The following LINGO2 variants were observed in gnomAD, a reference collection of about 807,000 sequenced individuals.
LINGO2 encodes the protein leucine rich repeat and Ig domain containing 2, also known as leucine-rich repeat and immunoglobulin-like domain-containing nogo receptor-interacting protein 2.
A neutral mutation model predicts 30.6 loss-of-function variants in LINGO2; 14 were observed. The ratio of observed to expected loss-of-function variants is 0.46; its 90% confidence interval spans 0.30 to 0.72. The LOEUF (loss-of-function observed/expected upper bound fraction) is 0.72, where lower values mean the gene tolerates loss of function less well. LINGO2 is among the 30% of genes least tolerant of loss of function. The pLI, the probability that LINGO2 is intolerant of heterozygous loss-of-function variation, is 0.07. For missense variants in LINGO2, 729 were observed against 751.7 expected, an observed-to-expected ratio of 0.97 and a Z score of 0.35; for synonymous variants, 317 against 288.5, an observed-to-expected ratio of 1.10 and a Z score of -1.00.
chr9:29,102,883 C>G, the LINGO2 span, among the ~76,000 whole-genome samples: 2 of 152,202 alleles, frequency 1.3e-5, no homozygotes, highest in Admixed American at 1.3e-4. Flanking sequence ...TCTACTTCCA[C>G]AATCTCCATT....
chr9:28,849,369 C>A, the LINGO2 span, among the ~76,000 whole-genome samples: 42 of 151,830 alleles, frequency 2.8e-4, no homozygotes, highest in Admixed American at 6.6e-4. Flanking sequence ...ATACACAGAC[C>A]CAGAATAATA....
intron 3 of LINGO2, among the ~76,000 whole-genome samples, chr9:28,372,413 C>T (rs989643651): frequency 5.3e-5 from 8 of 152,118 alleles, no homozygotes; most frequent in African/African-American, 1.9e-4. Context: ...ATAAGTCAGG[C>T]ACGAAAGTCA....
the LINGO2 span, among the ~76,000 whole-genome samples, chr9:28,897,674 G>T: frequency 1.3e-5 from 2 of 151,978 alleles, no homozygotes; most frequent in Non-Finnish European, 2.9e-5. Flanking sequence ...CCTGTAAAAC[G>T]AAAATAATAA....
At chr9:28,458,137 G>A (rs1288196254) in intron 2 of LINGO2, among the ~76,000 whole-genome samples, 2 of 152,156 alleles carry the variant, frequency 1.3e-5, no homozygotes, top group African/African-American at 4.8e-5. Context: ...ACAACAAATT[G>A]CTCTTTTAAC....
the LINGO2 span, among the ~76,000 whole-genome samples, chr9:28,919,842 A>G: frequency 1.3e-5 from 2 of 152,164 alleles, no homozygotes; most frequent in South Asian, 2.1e-4. Context: ...TTTAAACATT[A>G]TATCCTTTTA....
the LINGO2 span, among the ~76,000 whole-genome samples, chr9:28,826,433 C>T: frequency 6.6e-6 from 1 of 152,148 alleles, no homozygotes; most frequent in Non-Finnish European, 1.5e-5. Context: ...CCAGATTTTT[C>T]CTGTACTTCT....
intron 5 of LINGO2, among the ~76,000 whole-genome samples, chr9:28,003,294 TCTCA>T (rs1290316650): frequency 6.6e-6 from 1 of 152,040 alleles, no homozygotes; most frequent in African/African-American, 2.4e-5. Flanking sequence ...TGGGTAATTA[TCTCA>T]CTCATTTTTA....
chr9:28,708,782 T>TATCTATCTATCTATCTATCTATCTATCG, the LINGO2 span, among the ~76,000 whole-genome samples: 6 of 150,966 alleles, frequency 4.0e-5, no homozygotes, highest in African/African-American at 1.5e-4. Context: ...TCTATCTATC[T>TATCTATCTATCTATCTATCTATCTATCG]ATCTATCCAT....
chr9:28,951,968 G>T, the LINGO2 span, among the ~76,000 whole-genome samples: 1 of 152,104 alleles, frequency 6.6e-6, no homozygotes, highest in Non-Finnish European at 1.5e-5. Flanking sequence ...GATCATTAGA[G>T]AAATGCAAAT....
At chr9:28,188,317 T>C (rs1355496004) in intron 4 of LINGO2, among the ~76,000 whole-genome samples, 1 of 152,152 alleles carries the variant, frequency 6.6e-6, no homozygotes, top group African/African-American at 2.4e-5. Flanking sequence ...ATAAGCATTT[T>C]TTCTTTAAAA....
chr9:28,819,954 T>C, the LINGO2 span, among the ~76,000 whole-genome samples: 2 of 152,012 alleles, frequency 1.3e-5, no homozygotes, highest in African/African-American at 2.4e-5. Flanking sequence ...CTCACCAAAA[T>C]CCCCCACCCT....
intron 4 of LINGO2, among the ~76,000 whole-genome samples, chr9:28,249,790 A>G (rs1245941613): frequency 6.6e-6 from 1 of 152,174 alleles, no homozygotes; most frequent in East Asian, 1.9e-4. Context: ...TTCTTCCCCT[A>G]TCATTACCAT....
intron 3 of LINGO2, among the ~76,000 whole-genome samples, chr9:28,297,964 A>G (rs1823986763): frequency 6.6e-6 from 1 of 152,284 alleles, no homozygotes; most frequent in African/African-American, 2.4e-5. Flanking sequence ...CAATTTTTGT[A>G]TGATTATTCT....
chr9:27,954,044 A>G (rs1461713254), intron 5 of LINGO2, among the ~76,000 whole-genome samples: 3 of 152,178 alleles, frequency 2.0e-5, no homozygotes, highest in South Asian at 4.1e-4. Flanking sequence ...TACTTTTATA[A>G]TTAGAAAAAT....
At chr9:28,237,819 A>T (rs1379462712) in intron 4 of LINGO2, among the ~76,000 whole-genome samples, 1 of 152,128 alleles carries the variant, frequency 6.6e-6, no homozygotes, top group Non-Finnish European at 1.5e-5. Context: ...GTGCCACTGC[A>T]CTCCAGCCTG....
chr9:28,963,018 T>G, the LINGO2 span, among the ~76,000 whole-genome samples: 20 of 151,964 alleles, frequency 1.3e-4, no homozygotes, highest in Non-Finnish European at 2.5e-4. Context: ...TTTGCCTATA[T>G]TGTCTCTAAG....
chr9:28,883,514 C>G, the LINGO2 span, among the ~76,000 whole-genome samples: 1 of 151,356 alleles, frequency 6.6e-6, no homozygotes, highest in Non-Finnish European at 1.5e-5. Flanking sequence ...TTCCCCCACT[C>G]AAACCATAAT....
In LINGO2 at chr9:28,133,670, C is replaced by G. The variant is rs1438140095; in HGVS notation, c.-86-121265G>C. Among the ~76,000 whole-genome samples, 3 of 152,124 alleles carry G rather than the reference C, an allele frequency of 2.0e-5. No individual in the cohort carries two copies. In the East Asian group the frequency reaches 5.8e-4, roughly 29 times the overall value. ...CAGCTTGGAGGCGGGGTTCATAGAA[C>G]TCAGATTTCTTTTAAGTGAAATGAG... is the stretch of plus-strand genomic sequence containing the variant. On this transcript the variant is annotated intron_variant, in intron 4 of 5. Coordinates refer to ENST00000379992, the Ensembl canonical transcript of LINGO2.
the LINGO2 span, among the ~76,000 whole-genome samples, chr9:28,731,451 T>C: frequency 6.6e-6 from 1 of 152,178 alleles, no homozygotes; most frequent in African/African-American, 2.4e-5. Context: ...AAAAGTTATA[T>C]ATTTTATAGT....
Sources: gnomAD v4.1 joint callset for allele counts (sites outside exome capture counted in the v4.1 genomes callset) on GRCh38, gnomAD v4.1.1 for gene constraint, MANE v1.5 for transcripts, NCBI Gene and HGNC (gene_info 2026-07-23, HGNC 2026-07-21) for gene names.